The following TPST2 variants were observed in gnomAD, a reference collection of about 807,000 sequenced individuals.
The protein encoded by TPST2 is tyrosylprotein sulfotransferase 2.
TPST2 carries 16 observed loss-of-function variants against 27.8 expected under a neutral mutation model. That is an observed-to-expected ratio of 0.58 (90% CI 0.39 to 0.88). The LOEUF (loss-of-function observed/expected upper bound fraction) is 0.88. TPST2 is among the 40% of genes least tolerant of loss of function. The pLI is 0.00. For synonymous variants in TPST2, 229 were observed against 231.7 expected (o/e 0.99, Z 0.10); for missense variants, 464 against 543.1 (o/e 0.85, Z 1.45).
intron 1 of TPST2, among the ~76,000 whole-genome samples, chr22:26,571,723 A>G (rs1927632645): frequency 6.6e-6 from 1 of 152,072 alleles, no homozygotes; most frequent in Non-Finnish European, 1.5e-5. Flanking sequence ...CTAAACTCCT[A>G]ATAGGATCTC....
At chr22:26,542,775 C>T (rs570017288) in intron 2 of TPST2, among the ~76,000 whole-genome samples, 4 of 152,306 alleles carry the variant, frequency 2.6e-5, no homozygotes, top group Admixed American at 6.5e-5. Context: ...GGATGCAGCA[C>T]GACTGGGGAA....
intron 4 of TPST2, among the ~76,000 whole-genome samples, 158 bp from the exon 5 acceptor site, chr22:26,532,903 T>G (rs992416451): frequency 6.6e-6 from 1 of 152,216 alleles, no homozygotes; most frequent in Non-Finnish European, 1.5e-5. Flanking sequence ...CTAGGCATTA[T>G]TCTAAGCATT....
intron 1 of TPST2, among the ~76,000 whole-genome samples, chr22:26,553,203 G>A (rs1041494837): frequency 6.6e-6 from 1 of 152,072 alleles, no homozygotes; most frequent in African/African-American, 2.4e-5. Context: ...TAGGGACTGT[G>A]GGAGGACCCA....
At chr22:26,529,441 A>C (rs1211315590) in intron 5 of TPST2, among the ~76,000 whole-genome samples, 1 of 152,170 alleles carries the variant, frequency 6.6e-6, no homozygotes, top group African/African-American at 2.4e-5. Context: ...GAAGGTTGGA[A>C]CTTTAAGCCC....
rs1230432193 is a variant in TPST2, at chr22:26,525,861, T to C, written c.*414A>G. 2 of 152,400 alleles carry C rather than the reference T, an allele frequency of 1.3e-5. No homozygotes were observed. The highest frequency in any genetic ancestry group is 2.9e-5 in the Non-Finnish European group (2 of 68,038). The allele number at this position is 152,400 out of a possible 1,614,324, so 9.4% of individuals were successfully genotyped here. On this transcript the variant is annotated 3_prime_UTR_variant, in exon 7 of 7. Transcript: ENST00000338754. ...GAGGAATCAAAGAAAGCCTCATATA[T>C]TAAACTCTTAAATAGATTCTTTGAA...
chr22:26,543,824 C>T (rs553689446), intron 2 of TPST2, among the ~76,000 whole-genome samples: 16 of 152,142 alleles, frequency 1.1e-4, no homozygotes, highest in South Asian at 2.1e-4. Context: ...ATGACCTGCA[C>T]GATGGCTTAA....
chr22:26,537,599 T>G (rs1925541521), intron 3 of TPST2, among the ~76,000 whole-genome samples: 2 of 152,130 alleles, frequency 1.3e-5, no homozygotes, highest in South Asian at 2.1e-4. Context: ...ACTACAGGCA[T>G]GTACCACCAC....
At position 26,544,618 on chromosome 22, in the gene TPST2, C is replaced by G; in HGVS notation, c.-103G>C. On this transcript the variant is annotated 5_prime_UTR_variant, in exon 2 of 7. Transcript: ENST00000338754. Reference sequence around the variant, plus strand: ...GGTGCACTTACCTCCCTTGGGCACTCTCATCTCTGGGCTCCAGCCCTTGTG... The same window carrying G: ...GGTGCACTTACCTCCCTTGGGCACTGTCATCTCTGGGCTCCAGCCCTTGTG... The G allele has an allele frequency of 1.0e-6, 1 of 985,994 alleles. No homozygotes were observed. Among genetic ancestry groups the G allele is most frequent in the Admixed American group, 6.1e-5 (1 of 16,290 alleles). 61.1% of individuals were successfully genotyped at this position (985,994 alleles called of 1,614,324 possible).
intron 1 of TPST2, among the ~76,000 whole-genome samples, chr22:26,561,475 C>A (rs1267494461): frequency 6.6e-6 from 1 of 152,282 alleles, no homozygotes; most frequent in South Asian, 2.1e-4. Context: ...ATAGTTTTTT[C>A]ATCTTCAGTT....
At chr22:26,558,178 G>A (rs920393829) in intron 1 of TPST2, among the ~76,000 whole-genome samples, 40 of 141,840 alleles carry the variant, frequency 2.8e-4, no homozygotes, top group South Asian at 2.2e-4. Flanking sequence ...TATATATGTC[G>A]CCCAGGCTGG....
In TPST2 at chr22:26,569,949, C is replaced by CA. The variant is rs71192942; in HGVS notation, c.-161+20103dup. On this transcript the variant is annotated intron_variant, in intron 1 of 6. Coordinates refer to ENST00000338754, the MANE Select transcript of TPST2 (RefSeq NM_003595.5). ...CCTGGGTGTCAGAGCAAGACTCTGTCAAAAAAAAAAAAAAAAAAGGAAGAA... is the reference window on the plus strand; with the variant it reads ...CCTGGGTGTCAGAGCAAGACTCTGTCAAAAAAAAAAAAAAAAAAAGGAAGAA... 5.2e-3 allele frequency among the ~76,000 whole-genome samples: 213 copies of CA among 41,212 alleles called. 13 individuals are homozygous for CA. The highest frequency in any genetic ancestry group is 0.025 in the East Asian group (23 of 928). 27.0% of individuals were successfully genotyped at this position (41,212 alleles called of 152,430 possible). A position where few individuals can be genotyped will look rare whatever the true frequency, so the allele number is the denominator to read the frequency against.
intron 5 of TPST2, among the ~76,000 whole-genome samples, chr22:26,530,694 C>A (rs1486239184): frequency 6.7e-6 from 1 of 148,786 alleles, no homozygotes; most frequent in Non-Finnish European, 1.5e-5. Flanking sequence ...GACTCTTGAA[C>A]AACAAGGCTA....
At chr22:26,574,827 G>C (rs1001056129) in intron 1 of TPST2, among the ~76,000 whole-genome samples, 1 of 152,078 alleles carries the variant, frequency 6.6e-6, no homozygotes, top group Non-Finnish European at 1.5e-5. Context: ...GCCCCGCCAG[G>C]GACTTGCCAC....
chr22:26,574,729 TGAA>T (rs1927764705), intron 1 of TPST2, among the ~76,000 whole-genome samples: 1 of 152,074 alleles, frequency 6.6e-6, no homozygotes, highest in African/African-American at 2.4e-5. Context: ...ATCCTTGCAA[TGAA>T]GGAGCACTCA....
chr22:26,588,305 T>C (rs1405629207), intron 1 of TPST2, among the ~76,000 whole-genome samples: 2 of 152,070 alleles, frequency 1.3e-5, no homozygotes, highest in Non-Finnish European at 2.9e-5. Flanking sequence ...ACATAGTATA[T>C]GACTGCATTT....
intron 1 of TPST2, among the ~76,000 whole-genome samples, chr22:26,551,881 TTC>T (rs1405642527): frequency 3.3e-5 from 2 of 61,074 alleles, no homozygotes; most frequent in Admixed American, 1.4e-4. Context: ...TCTTTTCTTT[TTC>T]TTTTTTTTTT....
At chr22:26,537,364 G>A (rs918087235) in intron 3 of TPST2, among the ~76,000 whole-genome samples, 1 of 152,202 alleles carries the variant, frequency 6.6e-6, no homozygotes, top group African/African-American at 2.4e-5. Context: ...TCTGTAATTG[G>A]CAATGATAGT....
intron 1 of TPST2, chr22:26,550,498 G>T: frequency 1.3e-6 from 1 of 764,898 alleles, no homozygotes; most frequent in Non-Finnish European, 1.6e-6. Context: ...CAGATCAGGA[G>T]GTTCCCAAGA....
rs569115982 is a variant in TPST2 at position 26,561,002 on chromosome 22, T to G, written c.-160-16327A>C. On this transcript the variant is annotated intron_variant, in intron 1 of 6. Coordinates refer to ENST00000338754, the MANE Select transcript of TPST2 (RefSeq NM_003595.5). ...TGAAGGAAAAATACGAAAAGGATATTGCTGCATATCGAGCTAAAGGAAAGC... is the reference window on the plus strand; with the variant it reads ...TGAAGGAAAAATACGAAAAGGATATGGCTGCATATCGAGCTAAAGGAAAGC... The G allele has an allele frequency of 1.1e-4, 184 of 1,607,658 alleles. 1 individual carries two copies. In the African/African-American group the frequency reaches 2.1e-3, roughly 19 times the overall value.
Sources: allele counts gnomAD v4.1 joint callset (sites outside exome capture counted in the v4.1 genomes callset), GRCh38; gene constraint gnomAD v4.1.1; transcripts MANE v1.5; gene names NCBI Gene and HGNC (gene_info 2026-07-23, HGNC 2026-07-21).